Variants in CCDC178 observed in about 807,000 individuals in gnomAD.
The protein encoded by CCDC178 is coiled-coil domain containing 178.
Under a neutral mutation model 117.4 loss-of-function variants are expected in CCDC178, and 126 were observed. The ratio of observed to expected loss-of-function variants is 1.07; its 90% confidence interval spans 0.93 to 1.24. CCDC178 has a LOEUF of 1.24. Among genes scored for constraint, CCDC178 ranks in the 50% most tolerant of loss-of-function variants. The pLI is 0.00. For synonymous variants in CCDC178, 283 were observed against 313.4 expected (o/e 0.90, Z 1.02); for missense variants, 1,030 against 986.9 (o/e 1.04, Z -0.59).
At chr18:33,018,741 G>T (rs1263757561) in intron 21 of CCDC178, among the ~76,000 whole-genome samples, 2 of 152,054 alleles carry the variant, frequency 1.3e-5, no homozygotes. Context: ...TGAAATAGGA[G>T]GGAATGTGTC....
At chr18:33,198,527 G>A (rs271530) in intron 20 of CCDC178, among the ~76,000 whole-genome samples, 24,791 of 152,042 alleles carry the variant, frequency 0.16, 2,794 homozygotes, top group African/African-American at 0.32. Context: ...CTATTTAAAG[G>A]AAGGTGGACA....
chr18:32,992,670 C>T (rs146308152), intron 21 of CCDC178, among the ~76,000 whole-genome samples: 174 of 152,192 alleles, frequency 1.1e-3, no homozygotes, highest in Middle Eastern at 3.4e-3. Flanking sequence ...GATCACCCTA[C>T]GCAAAAAAGT....
At chr18:33,109,681 G>A (rs2145126783) in intron 20 of CCDC178, among the ~76,000 whole-genome samples, 1 of 151,436 alleles carries the variant, frequency 6.6e-6, no homozygotes, top group South Asian at 2.1e-4. Context: ...CACAGGTTTT[G>A]GCTGTTTTTT....
At chr18:33,266,516 CT>C (rs2059817025) in intron 14 of CCDC178, among the ~76,000 whole-genome samples, 4 of 145,676 alleles carry the variant, frequency 2.7e-5, no homozygotes, top group Admixed American at 2.7e-4. Context: ...CTGCTTATAA[CT>C]TTTACAATTA....
intron 20 of CCDC178, among the ~76,000 whole-genome samples, chr18:33,184,660 T>A (rs574930147): frequency 1.3e-5 from 2 of 152,054 alleles, no homozygotes; most frequent in South Asian, 4.1e-4. Flanking sequence ...GAAAACTTCA[T>A]AGACTCAGAA....
At chr18:33,306,169 T>C (rs920312556) in intron 11 of CCDC178, among the ~76,000 whole-genome samples, 2 of 145,786 alleles carry the variant, frequency 1.4e-5, no homozygotes. Flanking sequence ...TAAAAACTCA[T>C]TTGAAATTGA....
At chr18:33,119,669 G>C (rs2057908707) in intron 20 of CCDC178, among the ~76,000 whole-genome samples, 1 of 152,130 alleles carries the variant, frequency 6.6e-6, no homozygotes, top group Non-Finnish European at 1.5e-5. Context: ...ATTTGACCCA[G>C]CCATCCCATT....
chr18:33,365,247 G>A (rs2144741426), intron 6 of CCDC178, among the ~76,000 whole-genome samples: 1 of 152,174 alleles, frequency 6.6e-6, no homozygotes, highest in East Asian at 1.9e-4. Flanking sequence ...TAAATGTTAG[G>A]TTTCAGAGTT....
chr18:33,141,972 T>C (rs2058210936), intron 20 of CCDC178, among the ~76,000 whole-genome samples: 1 of 152,188 alleles, frequency 6.6e-6, no homozygotes, highest in Admixed American at 6.5e-5. Flanking sequence ...CCTAACATTA[T>C]TGACCCACTG....
At chr18:33,407,922 T>C (rs1316401032) in intron 3 of CCDC178, among the ~76,000 whole-genome samples, 1 of 151,766 alleles carries the variant, frequency 6.6e-6, no homozygotes, top group Non-Finnish European at 1.5e-5. Flanking sequence ...CTAGAAGTAA[T>C]AAAACCCTCA....
At chr18:33,355,099 T>A (rs2144709733) in intron 7 of CCDC178, among the ~76,000 whole-genome samples, 1 of 152,330 alleles carries the variant, frequency 6.6e-6, no homozygotes, top group South Asian at 2.1e-4. Context: ...ACAGTTTATG[T>A]TAATTTATCC....
intron 2 of CCDC178, among the ~76,000 whole-genome samples, chr18:33,433,773 T>C (rs1365039368): frequency 6.9e-6 from 1 of 145,326 alleles, no homozygotes; most frequent in Non-Finnish European, 1.5e-5. Context: ...GACTGACCAA[T>C]AATTCAATAG....
chr18:33,208,488 C>A (rs1344402791), intron 20 of CCDC178, among the ~76,000 whole-genome samples: 2 of 151,978 alleles, frequency 1.3e-5, no homozygotes, highest in African/African-American at 4.8e-5. Context: ...ATATTCAAGT[C>A]TGTTTTTCAA....
intron 17 of CCDC178, 46 bp downstream of exon 17, chr18:33,224,729 C>T (rs776190666): frequency 6.8e-5 from 82 of 1,202,654 alleles, no homozygotes; most frequent in African/African-American, 1.1e-4. Flanking sequence ...AACTTACTAA[C>T]GTATATATTT....
intron 21 of CCDC178, among the ~76,000 whole-genome samples, chr18:33,006,812 T>A (rs1476023841): frequency 1.3e-5 from 2 of 152,160 alleles, no homozygotes; most frequent in East Asian, 3.9e-4. Flanking sequence ...CAAAGAATTG[T>A]GAGGGTCTCT....
intron 21 of CCDC178, among the ~76,000 whole-genome samples, chr18:32,997,645 T>C (rs1464333978): frequency 2.0e-5 from 3 of 152,080 alleles, no homozygotes. Context: ...TATACATACC[T>C]GTGTATGTAT....
At chr18:33,168,334 A>G (rs2058557704) in intron 20 of CCDC178, among the ~76,000 whole-genome samples, 1 of 152,108 alleles carries the variant, frequency 6.6e-6, no homozygotes, top group Admixed American at 6.6e-5. Context: ...CATTTGTTGA[A>G]TAGAGAGTCG....
Position 32,972,397 on chromosome 18 carries a change from T to C in CCDC178, c.2523+2150A>G, listed in dbSNP as rs140101504. Among the ~76,000 whole-genome samples the C allele has an allele frequency of 9.2e-5, 14 of 152,284 alleles. No individual in the cohort carries two copies. In the East Asian group the frequency reaches 2.5e-3, roughly 27 times the overall value. Reference sequence around the variant, plus strand: ...GTCTATTTATCTGTTTTGGTACCAGTACCATGCTGCTTTGGTTATTGTAGC... The same window carrying C: ...GTCTATTTATCTGTTTTGGTACCAGCACCATGCTGCTTTGGTTATTGTAGC... On this transcript the variant is annotated intron_variant, in intron 22 of 22. Coordinates refer to ENST00000383096, the MANE Select transcript of CCDC178 (RefSeq NM_001105528.4).
At chr18:33,086,968 TGACACA>T (rs2057387809) in intron 21 of CCDC178, among the ~76,000 whole-genome samples, 1 of 79,180 alleles carries the variant, frequency 1.3e-5, no homozygotes, top group Non-Finnish European at 2.3e-5. Context: ...AGCTATTGGT[TGACACA>T]CACACACACA....
Sources: gnomAD v4.1 joint callset for allele counts (sites outside exome capture counted in the v4.1 genomes callset) on GRCh38, gnomAD v4.1.1 for gene constraint, MANE v1.5 for transcripts, NCBI Gene and HGNC (gene_info 2026-07-23, HGNC 2026-07-21) for gene names.